Variants in ASXL2 observed in about 807,000 individuals in gnomAD.
The protein encoded by ASXL2 is putative Polycomb group protein ASXL2.
In ASXL2, 23 loss-of-function variants were observed where a neutral mutation model predicts 122.0. That is an observed-to-expected ratio of 0.19 (90% CI 0.14 to 0.27). The LOEUF (loss-of-function observed/expected upper bound fraction) is 0.27, where lower values mean the gene tolerates loss of function less well. ASXL2 is among the 10% of genes least tolerant of loss of function. The pLI, the probability that ASXL2 is intolerant of heterozygous loss-of-function variation, is 1.00. For synonymous variants in ASXL2, 650 were observed against 637.0 expected (o/e 1.02, Z -0.31); for missense variants, 1,518 against 1,713.8 (o/e 0.89, Z 2.02).
intron 1 of ASXL2, among the ~76,000 whole-genome samples, chr2:25,857,260 G>A (rs2089791637): frequency 6.6e-6 from 1 of 151,944 alleles, no homozygotes; most frequent in African/African-American, 2.4e-5. Context: ...TGAGTACCTT[G>A]GCTAGGAAGT....
chr2:25,739,336 T>C lies in ASXL2; in HGVS notation c.*2693A>G, dbSNP rs2087787177. The C allele has an allele frequency of 1.2e-5, 2 of 172,694 alleles. No homozygotes were observed. Among genetic ancestry groups the C allele is most frequent in the Non-Finnish European group, 2.5e-5 (2 of 79,868 alleles). The allele number at this position is 172,694 out of a possible 1,614,324, so 10.7% of individuals were successfully genotyped here. A position where few individuals can be genotyped will look rare whatever the true frequency, so the allele number is the denominator to read the frequency against. The stretch of plus-strand genomic sequence containing the variant: ...ATACTAATAAAGGTTTTGTTTCTAC[T>C]GCTTCATTTTCTAAAAGGCCAGATT... On this transcript the variant is annotated 3_prime_UTR_variant, in exon 13 of 13. Transcript: ENST00000435504.
intron 5 of ASXL2, among the ~76,000 whole-genome samples, chr2:25,780,814 G>T (rs765061885): frequency 2.6e-5 from 4 of 152,002 alleles, no homozygotes; most frequent in Non-Finnish European, 5.9e-5. Flanking sequence ...TTGGCCGGGC[G>T]TGGTGGCTCA....
intron 1 of ASXL2, among the ~76,000 whole-genome samples, chr2:25,853,961 CAAAT>C (rs781654334): frequency 4.6e-5 from 7 of 152,216 alleles, no homozygotes; most frequent in Non-Finnish European, 8.8e-5. Flanking sequence ...AGGGAAAATG[CAAAT>C]AAATTTACAG....
Position 25,743,431 on chromosome 2 carries a change from G to A in ASXL2, c.2906C>T (p.Pro969Leu), listed in dbSNP as rs1574390298. The change falls in exon 13 of 13, where the codon CCT (proline) becomes CTT (leucine). Residue 969 changes from proline (P) to leucine (L), a missense_variant. This residue lies in a region of ASXL2 where 831 missense variants were observed against 833.1 expected (regional missense o/e 1.00). Coordinates refer to ENST00000435504, the MANE Select transcript of ASXL2 (RefSeq NM_018263.6). ...GKDVPMEQIL[P>L]KPLTKVEMKT... Reference sequence around the variant, plus strand: ...CATTTCAACTTTGGTGAGAGGTTTAGGCAGAATTTGCTCCATGGGAACATC... The same window carrying A: ...CATTTCAACTTTGGTGAGAGGTTTAAGCAGAATTTGCTCCATGGGAACATC... The A allele has an allele frequency of 6.2e-7, 1 of 1,613,860 alleles. No homozygotes were observed. Among genetic ancestry groups the A allele is most frequent in the Non-Finnish European group, 8.5e-7 (1 of 1,179,886 alleles).
intron 12 of ASXL2, among the ~76,000 whole-genome samples, chr2:25,745,543 G>C (rs2087926921): frequency 7.6e-6 from 1 of 132,012 alleles, no homozygotes; most frequent in Admixed American, 7.9e-5. Context: ...AGTGACTCCA[G>C]AGGGAGCCTC....
Position 25,767,745 on chromosome 2 carries a change from T to C in ASXL2, c.632-19A>G, listed in dbSNP as rs200374474. 1.0e-3 allele frequency: 1,675 copies of C among 1,613,152 alleles called. 12 individuals carry two copies. The highest frequency in any genetic ancestry group is 8.8e-3 in the Middle Eastern group (53 of 6,056). On this transcript the variant is annotated intron_variant, in intron 7 of 12. Coordinates refer to ENST00000435504, the MANE Select transcript of ASXL2 (RefSeq NM_018263.6). ...CATGTTGCTAGGAGAAAAAAATACG[T>C]ATAAAGACTGGTAGCACTGAGATTA...
chr2:25,873,936 A>G (rs544202879), intron 1 of ASXL2, among the ~76,000 whole-genome samples: 9 of 152,336 alleles, frequency 5.9e-5, no homozygotes, highest in Non-Finnish European at 7.3e-5. Flanking sequence ...AACAAGATCA[A>G]TAAGACTGCT....
At chr2:25,746,643 A>G (rs2087947442) in intron 12 of ASXL2, among the ~76,000 whole-genome samples, 1 of 152,202 alleles carries the variant, frequency 6.6e-6, no homozygotes, top group Non-Finnish European at 1.5e-5. Context: ...CATATCTATC[A>G]TAATAACACA....
At chr2:25,755,522 T>A (rs941925559) in intron 10 of ASXL2, among the ~76,000 whole-genome samples, 2 of 152,226 alleles carry the variant, frequency 1.3e-5, no homozygotes, top group Non-Finnish European at 2.9e-5. Context: ...ATGGCTGAAT[T>A]TTATATTATA....
chr2:25,764,694 C>T (rs954096206), intron 8 of ASXL2, among the ~76,000 whole-genome samples: 8 of 152,080 alleles, frequency 5.3e-5, no homozygotes, highest in African/African-American at 1.7e-4. Flanking sequence ...TGTTGCAATG[C>T]CTCTATAAAC....
chr2:25,770,026 G>A (rs2088419107), intron 6 of ASXL2, among the ~76,000 whole-genome samples: 1 of 152,132 alleles, frequency 6.6e-6, no homozygotes, highest in Admixed American at 6.5e-5. Flanking sequence ...ATTGATTATC[G>A]CTTATTCTCT....
intron 8 of ASXL2, among the ~76,000 whole-genome samples, chr2:25,761,543 C>T (rs916824414): frequency 1.3e-5 from 2 of 151,640 alleles, no homozygotes; most frequent in African/African-American, 2.4e-5. Flanking sequence ...CTTGGTGGTG[C>T]GCGCCTGTAA....
chr2:25,796,543 C>T lies in ASXL2; in HGVS notation c.403+2842G>A, dbSNP rs951900762. Among the ~76,000 whole-genome samples, 6 of 152,130 alleles carry T rather than the reference C, an allele frequency of 3.9e-5. 1 individual carries two copies. The highest frequency in any genetic ancestry group is 3.3e-4 in the Admixed American group (5 of 15,272). On this transcript the variant is annotated intron_variant, in intron 5 of 12. Coordinates refer to ENST00000435504, the MANE Select transcript of ASXL2 (RefSeq NM_018263.6). Reference sequence around the variant, plus strand: ...ATATCCTTAACTGGAAAATCCATTCCAGGGAAGCTGCAGCAACAGACATTA... The same window carrying T: ...ATATCCTTAACTGGAAAATCCATTCTAGGGAAGCTGCAGCAACAGACATTA...
At chr2:25,832,719 T>C (rs866035181) in intron 3 of ASXL2, among the ~76,000 whole-genome samples, 42 of 152,296 alleles carry the variant, frequency 2.8e-4, no homozygotes, top group Middle Eastern at 3.4e-3. Flanking sequence ...TGTATGCCCA[T>C]ACAAAAACAT....
At position 25,790,350 on chromosome 2, in the gene ASXL2, G is replaced by A. The variant is rs1284241908; in HGVS notation, c.403+9035C>T. ...GGTGGGGGGGGTGTGAGAAGCGCAT[G>A]AGCAAGGTTTCCTAGGACTACATCT... On this transcript the variant is annotated intron_variant, in intron 5 of 12. Coordinates refer to ENST00000435504, the MANE Select transcript of ASXL2 (RefSeq NM_018263.6). Among the ~76,000 whole-genome samples the A allele has an allele frequency of 2.0e-5, 3 of 149,068 alleles. No individual in the cohort carries two copies. The Admixed American group carries it at 2.0e-4, about 10-fold the overall frequency.
chr2:25,841,287 C>A (rs377112081), intron 2 of ASXL2, among the ~76,000 whole-genome samples: 13 of 151,350 alleles, frequency 8.6e-5, no homozygotes, highest in Non-Finnish European at 1.6e-4. Context: ...CAGAGTGAGA[C>A]CCTGCCTCAG....
chr2:25,746,079 G>C (rs1247505864), intron 12 of ASXL2, among the ~76,000 whole-genome samples: 1 of 151,956 alleles, frequency 6.6e-6, no homozygotes, highest in Non-Finnish European at 1.5e-5. Context: ...AACTGGTTGA[G>C]TTTAAAGGAG....
At chr2:25,849,078 G>GATATATATATATATATATATATAT (rs2089686989) in intron 1 of ASXL2, among the ~76,000 whole-genome samples, 1 of 34,220 alleles carries the variant, frequency 2.9e-5, no homozygotes, top group African/African-American at 1.3e-4. Context: ...TATATATATG[G>GATATATATATATATATATATATAT]AATATTTATT....
chr2:25,878,310 G>T lies in ASXL2; in HGVS notation c.-88C>A. The T allele has an allele frequency of 6.9e-7, 1 of 1,445,496 alleles. No individual in the cohort carries two copies. Among genetic ancestry groups the T allele is most frequent in the Non-Finnish European group, 9.6e-7 (1 of 1,040,598 alleles). The allele number at this position is 1,445,496 out of a possible 1,614,324, so 89.5% of individuals were successfully genotyped here. A position where few individuals can be genotyped will look rare whatever the true frequency, so the allele number is the denominator to read the frequency against. ...TCTGCCCTGCGCTGCTTTTCCCGCG[G>T]TGCCGGGAAAGGTGGGAGAAAAGGG... On this transcript the variant is annotated 5_prime_UTR_variant, in exon 1 of 13. Transcript: ENST00000435504.
Sources: allele counts gnomAD v4.1 joint callset (sites outside exome capture counted in the v4.1 genomes callset), GRCh38; gene constraint gnomAD v4.1.1; regional missense constraint gnomAD v4.1.1; transcripts MANE v1.5; gene names NCBI Gene and HGNC (gene_info 2026-07-23, HGNC 2026-07-21).